DTNA: variants seen among roughly 807,000 people sequenced by gnomAD.
The protein encoded by DTNA is dystrophin-related protein 3.
Under a neutral mutation model 100.7 loss-of-function variants are expected in DTNA, and 43 were observed. The observed-to-expected ratio is 0.43, with a 90% CI of 0.33 to 0.55. The LOEUF (loss-of-function observed/expected upper bound fraction) is 0.55. Among genes scored for constraint, DTNA ranks in the 20% least tolerant of loss-of-function variants. DTNA has a pLI of 0.04. For missense variants in DTNA, 798 were observed against 953.9 expected (o/e 0.84, Z 2.15); for synonymous variants, 349 against 347.9 (o/e 1.00, Z -0.04).
intron 1 of DTNA, among the ~76,000 whole-genome samples, chr18:34,736,059 G>A (rs965619507): frequency 1.6e-4 from 24 of 152,128 alleles, no homozygotes; most frequent in African/African-American, 5.6e-4. Context: ...AATATACCTA[G>A]AGGACGTCTA....
chr18:34,741,181 C>T (rs1292153309), intron 1 of DTNA, among the ~76,000 whole-genome samples: 1 of 152,114 alleles, frequency 6.6e-6, no homozygotes, highest in Non-Finnish European at 1.5e-5. Context: ...ATGTAATTCA[C>T]TGAGGTACTG....
chr18:34,634,384 A>T (rs933092890), intron 1 of DTNA, among the ~76,000 whole-genome samples: 13 of 152,212 alleles, frequency 8.5e-5, no homozygotes, highest in African/African-American at 3.1e-4. Flanking sequence ...AAAATAACAA[A>T]CCATTTACAT....
chr18:34,568,619 A>G (rs150701319), intron 1 of DTNA, among the ~76,000 whole-genome samples: 2 of 151,756 alleles, frequency 1.3e-5, no homozygotes, highest in African/African-American at 4.8e-5. Context: ...TAATTTTTTT[A>G]TTTTCATTTA....
intron 2 of DTNA, among the ~76,000 whole-genome samples, chr18:34,762,270 T>C (rs745956154): frequency 1.1e-4 from 16 of 152,360 alleles, no homozygotes; most frequent in Non-Finnish European, 2.1e-4. Context: ...CAGCAAGATA[T>C]TGACCAAAGC....
chr18:34,712,641 G>A (rs1173264050), intron 1 of DTNA, among the ~76,000 whole-genome samples: 1 of 152,102 alleles, frequency 6.6e-6, no homozygotes, highest in Non-Finnish European at 1.5e-5. Context: ...ATTGACTTTT[G>A]ATGTACTTGC....
rs1027656744 is a variant in DTNA at position 34,747,336 on chromosome 18, AT to A, written c.-1-8631del. Among the ~76,000 whole-genome samples, 45 of 151,050 alleles carry A rather than the reference AT, an allele frequency of 3.0e-4. No homozygotes were observed. In the East Asian group the frequency reaches 3.3e-3, roughly 11 times the overall value. On this transcript the variant is annotated intron_variant, in intron 1 of 22. Transcript: ENST00000444659. ...AATCGGATGCACTTAGGGTGCTTTT[AT>A]TTTTTTTTAATTTTTTATTTCAATA...
chr18:34,518,240 T>C (rs2041839652), intron 1 of DTNA, among the ~76,000 whole-genome samples: 1 of 152,164 alleles, frequency 6.6e-6, no homozygotes, highest in Non-Finnish European at 1.5e-5. Flanking sequence ...TTTTTTGAAA[T>C]GTCTCTTCAT....
intron 3 of DTNA, among the ~76,000 whole-genome samples, chr18:34,789,214 G>A (rs946204249): frequency 6.6e-6 from 1 of 152,050 alleles, no homozygotes; most frequent in Non-Finnish European, 1.5e-5. Context: ...TTTCTGCATA[G>A]TACCACCTTG....
chr18:34,669,314 G>A (rs1599873198), intron 1 of DTNA, among the ~76,000 whole-genome samples: 1 of 152,078 alleles, frequency 6.6e-6, no homozygotes, highest in African/African-American at 2.4e-5. Context: ...TTGAGCCTAT[G>A]TGTGTCTCTG....
chr18:34,559,607 C>T (rs906870231), intron 1 of DTNA, among the ~76,000 whole-genome samples: 2 of 152,170 alleles, frequency 1.3e-5, no homozygotes, highest in Admixed American at 6.5e-5. Context: ...TATCAATTTC[C>T]TTCATTCACC....
intron 11 of DTNA, among the ~76,000 whole-genome samples, chr18:34,835,398 AG>A (rs1479081876): frequency 6.6e-6 from 1 of 152,218 alleles, no homozygotes; most frequent in Non-Finnish European, 1.5e-5. Flanking sequence ...AACACTGGCA[AG>A]GGCCAACACA....
At chr18:34,558,739 G>C (rs2046363876) in intron 1 of DTNA, among the ~76,000 whole-genome samples, 1 of 152,102 alleles carries the variant, frequency 6.6e-6, no homozygotes, top group African/African-American at 2.4e-5. Flanking sequence ...GAAATTGAGA[G>C]CCAGCCCAAG....
At chr18:34,869,299 TACACACACTCACATAC>T (rs1307048793) in intron 17 of DTNA, among the ~76,000 whole-genome samples, 3 of 152,060 alleles carry the variant, frequency 2.0e-5, no homozygotes, top group African/African-American at 4.8e-5. Context: ...GTCCATATTT[TACACACACTCACATAC>T]ACACACACAC....
At chr18:34,871,941 T>C (rs181299163) in intron 17 of DTNA, among the ~76,000 whole-genome samples, 42 of 152,358 alleles carry the variant, frequency 2.8e-4, no homozygotes, top group Non-Finnish European at 5.0e-4. Flanking sequence ...GCACAGGATC[T>C]TCCACCTAAA....
At chr18:34,865,249 T>C (rs187777912) in intron 17 of DTNA, among the ~76,000 whole-genome samples, 1 of 151,756 alleles carries the variant, frequency 6.6e-6, no homozygotes, top group East Asian at 1.9e-4. Flanking sequence ...CTGTCCTTTC[T>C]TTCTCTCTTT....
At chr18:34,663,304 C>T (rs1358978993) in intron 1 of DTNA, among the ~76,000 whole-genome samples, 1 of 152,054 alleles carries the variant, frequency 6.6e-6, no homozygotes, top group Non-Finnish European at 1.5e-5. Flanking sequence ...CATACAGGTG[C>T]ATGCCACCAC....
rs1436035340 is a variant in DTNA, at chr18:34,827,634, C to A, written c.1043C>A (p.Ser348Tyr). 1.2e-6 allele frequency: 2 copies of A among 1,613,914 alleles called. No homozygotes were observed. Among genetic ancestry groups the A allele is most frequent in the Non-Finnish European group, 1.7e-6 (2 of 1,179,828 alleles). Reference sequence around the variant, plus strand: ...ACCAGCATGAACGACACCCTGTTCTCCCACTCTGTTCCCTCCTCAGGAAGT... The same window carrying A: ...ACCAGCATGAACGACACCCTGTTCTACCACTCTGTTCCCTCCTCAGGAAGT... ...PVTSMNDTLF[S>Y]HSVPSSGSPF... The change falls in exon 10 of 23, where the codon TCC becomes TAC. Residue 348 changes from serine (S) to tyrosine (Y), a missense_variant. By Grantham distance (144) the Ser-to-Tyr change is moderately radical. This residue lies in a region of DTNA where 93 missense variants were observed against 90.5 expected (regional missense o/e 1.03). Transcript: ENST00000444659.
chr18:34,619,188 G>C (rs1396983565), intron 1 of DTNA, among the ~76,000 whole-genome samples: 1 of 152,218 alleles, frequency 6.6e-6, no homozygotes, highest in Non-Finnish European at 1.5e-5. Flanking sequence ...AGCCTAAGAT[G>C]TGTTGTAATG....
At chr18:34,690,337 A>G (rs1189634295) in intron 1 of DTNA, among the ~76,000 whole-genome samples, 1 of 152,184 alleles carries the variant, frequency 6.6e-6, no homozygotes, top group African/African-American at 2.4e-5. Context: ...TTGGCAAGAT[A>G]GCACCCTCCC....
Sources: gnomAD v4.1 joint callset for allele counts (sites outside exome capture counted in the v4.1 genomes callset) on GRCh38, gnomAD v4.1.1 for gene constraint, gnomAD v4.1.1 regional missense constraint, MANE v1.5 for transcripts, NCBI Gene and HGNC (gene_info 2026-07-23, HGNC 2026-07-21) for gene names.